DAB1: variants seen among roughly 807,000 people sequenced by gnomAD.
DAB1 encodes the protein DAB adaptor protein 1, also known as disabled homolog 1.
DAB1 carries 15 observed loss-of-function variants against 64.6 expected under a neutral mutation model. The ratio of observed to expected loss-of-function variants is 0.23; its 90% CI spans 0.16 to 0.36. The LOEUF (loss-of-function observed/expected upper bound fraction) is 0.36. Among genes scored for constraint, DAB1 ranks in the 10% least tolerant of loss-of-function variants. The pLI is 1.00. For synonymous variants in DAB1, 235 were observed against 251.9 expected (o/e 0.93, Z 0.64); for missense variants, 596 against 706.7 (o/e 0.84, Z 1.78).
chr1:57,481,125 T>A (rs1301158061), intron 7 of DAB1, among the ~76,000 whole-genome samples: 1 of 152,110 alleles, frequency 6.6e-6, no homozygotes, highest in Admixed American at 6.5e-5. Context: ...ATTGGAATCA[T>A]TTAGAAAGGT....
chr1:57,126,561 C>G (rs1023933832), intron 4 of DAB1, among the ~76,000 whole-genome samples: 1 of 152,162 alleles, frequency 6.6e-6, no homozygotes, highest in African/African-American at 2.4e-5. Flanking sequence ...AAGGAGAACA[C>G]TGAGCTGCTA....
intron 5 of DAB1, among the ~76,000 whole-genome samples, chr1:57,985,723 G>A (rs1018588570): frequency 7.9e-5 from 12 of 152,052 alleles, no homozygotes; most frequent in African/African-American, 2.7e-4. Flanking sequence ...AAGAGTCAAA[G>A]TGTCCCGGAC....
At position 57,015,161 on chromosome 1, in the gene DAB1, G is replaced by A. The variant is rs1557545640; in HGVS notation, c.1166C>T (p.Thr389Ile). The A allele has an allele frequency of 6.2e-7, 1 of 1,614,190 alleles. No homozygotes were observed. Among genetic ancestry groups the A allele is most frequent in the Non-Finnish European group, 8.5e-7 (1 of 1,180,022 alleles). Residue 389 changes from threonine to isoleucine, a missense_variant, in exon 12 of 15, where the codon ACC (threonine) becomes ATC (isoleucine). By Grantham distance (89) the Thr-to-Ile change is moderately conservative. Transcript: ENST00000371236. ...MFQGPLTPLA[T>I]VPGTSDSTRS... The stretch of plus-strand genomic sequence containing the variant: ...GGTGGAGTCACTCGTGCCTGGGACG[G>A]TGGCAAGGGGGGTGAGGGGACCTTG...
At chr1:57,974,027 T>C (rs865824271) in intron 5 of DAB1, among the ~76,000 whole-genome samples, 2 of 152,146 alleles carry the variant, frequency 1.3e-5, no homozygotes, top group Admixed American at 6.6e-5. Context: ...TCTGACTTTA[T>C]TTCACCCCAC....
At chr1:58,293,471 G>A (rs1037527936) in intron 4 of DAB1, among the ~76,000 whole-genome samples, 1 of 152,154 alleles carries the variant, frequency 6.6e-6, no homozygotes, top group African/African-American at 2.4e-5. Context: ...AGGGGAGATG[G>A]CAGCAGTCAT....
intron 5 of DAB1, among the ~76,000 whole-genome samples, chr1:57,912,916 A>G (rs1238690143): frequency 1.3e-5 from 2 of 152,198 alleles, no homozygotes; most frequent in South Asian, 4.1e-4. Context: ...AAGGAGAACT[A>G]CAAACCACTG....
intron 4 of DAB1, among the ~76,000 whole-genome samples, chr1:57,093,596 A>G (rs1653886856): frequency 6.6e-6 from 1 of 152,214 alleles, no homozygotes; most frequent in Non-Finnish European, 1.5e-5. Context: ...ATTGCATGTA[A>G]AATATATAGG....
chr1:57,884,409 C>G (rs1271082821), upstream of DAB1, among the ~76,000 whole-genome samples: 1 of 152,096 alleles, frequency 6.6e-6, no homozygotes, highest in Non-Finnish European at 1.5e-5. Context: ...ATGGGAAGGA[C>G]ATGAATAAAA....
At chr1:57,175,959 G>A (rs550126234) in intron 2 of DAB1, among the ~76,000 whole-genome samples, 1 of 152,104 alleles carries the variant, frequency 6.6e-6, no homozygotes, top group African/African-American at 2.4e-5. Context: ...TTACCACATA[G>A]ACAGACCTGG....
At chr1:58,214,395 C>T (rs959717835) in intron 4 of DAB1, among the ~76,000 whole-genome samples, 9 of 152,152 alleles carry the variant, frequency 5.9e-5, no homozygotes, top group Admixed American at 2.6e-4. Flanking sequence ...TCAGTACTTA[C>T]GGGCTGCACT....
intron 6 of DAB1, among the ~76,000 whole-genome samples, chr1:57,816,194 A>G (rs1042989765): frequency 6.6e-6 from 1 of 152,238 alleles, no homozygotes; most frequent in Admixed American, 6.5e-5. Flanking sequence ...CCACTACAGT[A>G]GTCTGTTCAT....
At chr1:57,981,055 A>G (rs1022331050) in intron 5 of DAB1, among the ~76,000 whole-genome samples, 1 of 152,044 alleles carries the variant, frequency 6.6e-6, no homozygotes, top group African/African-American at 2.4e-5. Flanking sequence ...ACATAAATAG[A>G]AGTATTTAAA....
At chr1:58,000,154 T>C (rs954802486) in intron 5 of DAB1, among the ~76,000 whole-genome samples, 7 of 152,148 alleles carry the variant, frequency 4.6e-5, no homozygotes, top group African/African-American at 1.4e-4. Context: ...AAAATGGCCC[T>C]TTAAAAATAA....
intron 4 of DAB1, among the ~76,000 whole-genome samples, chr1:58,277,189 G>A (rs1165515213): frequency 2.0e-5 from 3 of 151,656 alleles, no homozygotes; most frequent in Non-Finnish European, 2.9e-5. Context: ...ACAGGCATGC[G>A]CCACCACACC....
chr1:58,345,270 C>T (rs980045383), intron 3 of DAB1, among the ~76,000 whole-genome samples: 6 of 152,182 alleles, frequency 3.9e-5, no homozygotes, highest in Non-Finnish European at 7.3e-5. Flanking sequence ...TCAAAATCAA[C>T]TGCAAGCTCA....
chr1:57,967,236 C>G lies in DAB1; in HGVS notation n.388-83074G>C, dbSNP rs552387782. Among the ~76,000 whole-genome samples, 6 of 152,032 alleles carry G rather than the reference C, an allele frequency of 3.9e-5. No homozygotes were observed. In the South Asian group the frequency reaches 1.3e-3, roughly 32 times the overall value. Reference sequence around the variant, plus strand: ...CCTATTTCTCATTAATTAGCACTGTCCCTAGGTGGAGAGCACCTTAAAGCC... The same window carrying G: ...CCTATTTCTCATTAATTAGCACTGTGCCTAGGTGGAGAGCACCTTAAAGCC... On this transcript the variant is annotated intron_variant and non_coding_transcript_variant, in intron 5 of 20. Transcript: ENST00000485760.
intron 7 of DAB1, among the ~76,000 whole-genome samples, chr1:57,473,742 A>G (rs563165215): frequency 6.6e-6 from 1 of 152,264 alleles, no homozygotes; most frequent in Non-Finnish European, 1.5e-5. Context: ...CTTGCCATCT[A>G]TGCATCCGAT....
At chr1:57,461,226 T>C (rs1686768969) in intron 7 of DAB1, among the ~76,000 whole-genome samples, 1 of 152,296 alleles carries the variant, frequency 6.6e-6, no homozygotes, top group Middle Eastern at 3.4e-3. Flanking sequence ...CGTCTTTATT[T>C]TGTTGACTCT....
chr1:57,548,606 G>GA (rs1360072060), intron 7 of DAB1, among the ~76,000 whole-genome samples: 1 of 152,192 alleles, frequency 6.6e-6, no homozygotes, highest in East Asian at 1.9e-4. Context: ...CTTATGTGAT[G>GA]AGGACTTAAC....
Sources: gnomAD v4.1 joint callset for allele counts (sites outside exome capture counted in the v4.1 genomes callset) on GRCh38, gnomAD v4.1.1 for gene constraint, MANE v1.5 for transcripts, NCBI Gene and HGNC (gene_info 2026-07-23, HGNC 2026-07-21) for gene names.